RSPH6A: variants seen among roughly 807,000 people sequenced by gnomAD.
RSPH6A encodes the protein radial spoke head 6 homolog A.
In RSPH6A, 49 loss-of-function variants were observed where a neutral mutation model predicts 66.1. That is an observed-to-expected ratio of 0.74 (90% CI 0.59 to 0.94). The LOEUF is 0.94. Ranked by LOEUF, RSPH6A falls within the 40% of genes least tolerant of loss-of-function variation. The pLI is 0.00. For missense variants in RSPH6A, 977 were observed against 948.3 expected, an observed-to-expected ratio of 1.03 and a Z score of -0.40; for synonymous variants, 419 against 402.4, an observed-to-expected ratio of 1.04 and a Z score of -0.49.
chr19:45,800,495 C>T lies in RSPH6A; in HGVS notation c.1867G>A (p.Val623Ile), dbSNP rs749557469. 14 of 1,613,384 alleles carry T rather than the reference C, an allele frequency of 8.7e-6. No individual in the cohort carries two copies. The highest frequency in any genetic ancestry group is 3.3e-5 in the Admixed American group (2 of 59,922). ...CSLCPQYSVA[V>I]VRSNLWPGAY... ...CCGGGCCAGAGGTTGGAGCGCACAA[C>T]GGCCACTGAGTACTGCGGGCAGAGG... Residue 623 changes from valine to isoleucine, a missense_variant, in exon 5 of 6, where the codon GTT becomes ATT. Coordinates refer to ENST00000221538, the MANE Select transcript of RSPH6A (RefSeq NM_030785.4).
intron 4 of RSPH6A, among the ~76,000 whole-genome samples, chr19:45,800,958 C>T (rs892623307): frequency 2.0e-5 from 3 of 151,916 alleles, no homozygotes; most frequent in Admixed American, 2.0e-4. Flanking sequence ...CCACCACGCC[C>T]GGCTAATTTT....
chr19:45,801,790 C>T (rs768823442), intron 4 of RSPH6A, among the ~76,000 whole-genome samples: 2 of 116,886 alleles, frequency 1.7e-5, no homozygotes, highest in African/African-American at 3.5e-5. Context: ...AACACCACCA[C>T]CACCACACAC....
intron 5 of RSPH6A, 75 bp downstream of exon 5, chr19:45,800,371 G>A (rs1017251421): frequency 1.6e-5 from 21 of 1,351,660 alleles, no homozygotes; most frequent in Admixed American, 1.5e-4. Flanking sequence ...CCACCCTGGC[G>A]AGTTGCCCAG....
chr19:45,800,586 G>T (rs758492103), intron 4 of RSPH6A, 23 bp from the exon 5 acceptor site: 7 of 1,593,492 alleles, frequency 4.4e-6, no homozygotes, highest in South Asian at 2.2e-5. Context: ...GGCAGCAGAG[G>T]GGGGCAGCAG....
At chr19:45,803,852 G>T (rs1970504260) in intron 3 of RSPH6A, among the ~76,000 whole-genome samples, 1 of 151,630 alleles carries the variant, frequency 6.6e-6, no homozygotes, top group Non-Finnish European at 1.5e-5. Flanking sequence ...AATTAGCCAG[G>T]TGTGGCAGCG....
intron 2 of RSPH6A, among the ~76,000 whole-genome samples, chr19:45,805,606 C>T (rs1371313033): frequency 6.6e-6 from 1 of 152,030 alleles, no homozygotes; most frequent in Admixed American, 6.6e-5. Flanking sequence ...GCAGGAGGAT[C>T]GCTTGGACCT....
chr19:45,798,398 G>C (rs924332130), intron 5 of RSPH6A, among the ~76,000 whole-genome samples: 1 of 151,734 alleles, frequency 6.6e-6, no homozygotes. Flanking sequence ...AATGAGGCCA[G>C]GCACAGTGGC....
At chr19:45,796,701 C>T (rs995083822) in intron 5 of RSPH6A, among the ~76,000 whole-genome samples, 7 of 151,160 alleles carry the variant, frequency 4.6e-5, no homozygotes, top group Admixed American at 3.3e-4. Flanking sequence ...TTAGTAGAGA[C>T]GGGGTTTCAC....
intron 1 of RSPH6A, among the ~76,000 whole-genome samples, chr19:45,814,228 C>T (rs915527272): frequency 1.3e-5 from 2 of 152,106 alleles, no homozygotes; most frequent in Admixed American, 6.5e-5. Context: ...CTGCCATATC[C>T]TAGCTGTGTA....
Position 45,795,960 on chromosome 19 carries a change from G to A in RSPH6A, c.2063C>T (p.Ala688Val). Residue 688 changes from alanine to valine, a missense_variant, in exon 6 of 6, where the codon GCT (alanine) becomes GTT (valine). Physicochemically the swap from Ala to Val is moderately conservative, Grantham distance 64 (BLOSUM62 0). Transcript: ENST00000221538. ...MSDPTVEEEQ[A>V]LKAAQEQALG... ...GGCTTGTTCCTGGGCTGCTTTCAGA[G>A]CCTGCTCCTCTTCCACTGTGGGGTC... 6.2e-7 allele frequency: 1 copy of A among 1,613,430 alleles called. No homozygotes were observed. Among genetic ancestry groups the A allele is most frequent in the South Asian group, 1.1e-5 (1 of 91,036 alleles).
intron 2 of RSPH6A, among the ~76,000 whole-genome samples, chr19:45,809,735 G>A (rs1456617527): frequency 2.0e-5 from 3 of 152,210 alleles, no homozygotes; most frequent in Non-Finnish European, 2.9e-5. Flanking sequence ...AGCAAAGGCC[G>A]GGAGCAGAGA....
intron 2 of RSPH6A, among the ~76,000 whole-genome samples, chr19:45,806,437 C>T (rs1970544034): frequency 6.6e-6 from 1 of 151,926 alleles, no homozygotes; most frequent in South Asian, 2.1e-4. Context: ...CTTTGGGAGG[C>T]CAAGGCAGGG....
chr19:45,802,384 G>C, intron 3 of RSPH6A, 120 bp from the exon 4 acceptor site: 2 of 888,914 alleles, frequency 2.2e-6, no homozygotes, highest in Non-Finnish European at 3.0e-6. Flanking sequence ...GCACAGGCAA[G>C]AGGGCAAGAT....
chr19:45,797,874 T>C (rs1000643062), intron 5 of RSPH6A, among the ~76,000 whole-genome samples: 1 of 146,190 alleles, frequency 6.8e-6, no homozygotes, highest in Non-Finnish European at 1.5e-5. Flanking sequence ...TTTCAAAAAA[T>C]AAAAAAAAAA....
chr19:45,805,223 T>A (rs1031334649), intron 2 of RSPH6A, among the ~76,000 whole-genome samples: 1 of 146,616 alleles, frequency 6.8e-6, no homozygotes, highest in Non-Finnish European at 1.5e-5. Flanking sequence ...ATGGTGAAAC[T>A]CTGTCTCTAC....
chr19:45,808,592 CA>C (rs925781153), intron 2 of RSPH6A, among the ~76,000 whole-genome samples: 5 of 136,156 alleles, frequency 3.7e-5, no homozygotes, highest in Admixed American at 3.0e-4. Flanking sequence ...GACTCCATCT[CA>C]AAAAAAATGG....
intron 1 of RSPH6A, among the ~76,000 whole-genome samples, chr19:45,811,798 A>G (rs1600480313): frequency 8.2e-6 from 1 of 121,336 alleles, no homozygotes; most frequent in African/African-American, 3.2e-5. Context: ...TTAGAGACAG[A>G]GTTTTGCTTT....
chr19:45,795,751 T>C lies in RSPH6A; in HGVS notation c.*118A>G. 6 of 949,916 alleles carry C rather than the reference T, an allele frequency of 6.3e-6. No individual in the cohort carries two copies. The highest frequency in any genetic ancestry group is 9.4e-6 in the Non-Finnish European group (6 of 636,542). 58.8% of individuals were successfully genotyped at this position (949,916 alleles called of 1,614,324 possible). On this transcript the variant is annotated 3_prime_UTR_variant, in exon 6 of 6. Coordinates refer to ENST00000221538, the MANE Select transcript of RSPH6A (RefSeq NM_030785.4). ...TTTTATTTGAAGCAGTTGCCTTCCTTTTCTATCCCTGCCCTCTGGGGACAG... is the reference window on the plus strand; with the variant it reads ...TTTTATTTGAAGCAGTTGCCTTCCTCTTCTATCCCTGCCCTCTGGGGACAG...
chr19:45,796,194 T>G (rs978627088), intron 5 of RSPH6A, 88 bp from the exon 6 acceptor site: 1 of 1,069,414 alleles, frequency 9.4e-7, no homozygotes, highest in Non-Finnish European at 1.3e-6. Flanking sequence ...GGAGTCTTAC[T>G]CTGTTGCCTA....
Sources: gnomAD v4.1 joint callset for allele counts (sites outside exome capture counted in the v4.1 genomes callset) on GRCh38, gnomAD v4.1.1 for gene constraint, MANE v1.5 for transcripts, NCBI Gene and HGNC (gene_info 2026-07-23, HGNC 2026-07-21) for gene names.